ATRNL1: variants seen among roughly 807,000 people sequenced by gnomAD.
ATRNL1 encodes the protein attractin like 1, also known as attractin-like protein 1.
In ATRNL1, 95 loss-of-function variants were observed where a neutral mutation model predicts 182.7. The ratio of observed to expected loss-of-function variants is 0.52; its 90% confidence interval spans 0.44 to 0.62. ATRNL1 has a LOEUF of 0.62. Ranked by LOEUF, ATRNL1 falls within the 20% of genes least tolerant of loss-of-function variation. The pLI is 0.00. For missense variants in ATRNL1, 1,471 were observed against 1,679.5 expected, an observed-to-expected ratio of 0.88 and a Z score of 2.17; for synonymous variants, 576 against 568.3, an observed-to-expected ratio of 1.01 and a Z score of -0.19.
At chr10:115,938,359 A>T (rs782112219) in intron 28 of ATRNL1, among the ~76,000 whole-genome samples, 3 of 152,228 alleles carry the variant, frequency 2.0e-5, no homozygotes, top group Non-Finnish European at 2.9e-5. Flanking sequence ...TTAAAAAGAC[A>T]TGTTTACCAT....
At chr10:115,380,765 A>G (rs542527976) in intron 19 of ATRNL1, among the ~76,000 whole-genome samples, 25 of 152,280 alleles carry the variant, frequency 1.6e-4, no homozygotes, top group Admixed American at 1.2e-3. Context: ...ATATGGCTAT[A>G]TCATATTTTG....
intron 24 of ATRNL1, among the ~76,000 whole-genome samples, chr10:115,474,605 T>G (rs1466868731): frequency 2.0e-5 from 3 of 151,192 alleles, no homozygotes; most frequent in African/African-American, 7.3e-5. Flanking sequence ...TTTTAAAGAG[T>G]ATCACCAGGG....
At chr10:115,794,835 A>G (rs782779074) in intron 27 of ATRNL1, among the ~76,000 whole-genome samples, 1 of 152,174 alleles carries the variant, frequency 6.6e-6, no homozygotes, top group Non-Finnish European at 1.5e-5. Context: ...ACACTATTAA[A>G]CTATGTAAAC....
chr10:115,590,825 C>T (rs1443053539), intron 26 of ATRNL1, among the ~76,000 whole-genome samples: 1 of 152,170 alleles, frequency 6.6e-6, no homozygotes, highest in African/African-American at 2.4e-5. Context: ...TCCCTGAATA[C>T]TAGCATTTCT....
chr10:115,213,314 T>G (rs1849104117), intron 8 of ATRNL1, among the ~76,000 whole-genome samples: 1 of 152,064 alleles, frequency 6.6e-6, no homozygotes, highest in Non-Finnish European at 1.5e-5. Flanking sequence ...TTAGGCCTTG[T>G]GGGGAAGGGG....
intron 5 of ATRNL1, among the ~76,000 whole-genome samples, chr10:115,148,205 G>A (rs781888508): frequency 1.3e-5 from 2 of 151,620 alleles, no homozygotes; most frequent in Non-Finnish European, 2.9e-5. Context: ...TATTTTTTTT[G>A]TAGCTATTGT....
At chr10:115,362,219 TA>T (rs1564954502) in intron 19 of ATRNL1, among the ~76,000 whole-genome samples, 2 of 152,090 alleles carry the variant, frequency 1.3e-5, no homozygotes, top group East Asian at 1.9e-4. Flanking sequence ...TTTATTTATA[TA>T]AAAAAGAAAC....
At chr10:115,386,173 T>C (rs1444169597) in intron 19 of ATRNL1, among the ~76,000 whole-genome samples, 2 of 152,208 alleles carry the variant, frequency 1.3e-5, no homozygotes, top group African/African-American at 4.8e-5. Flanking sequence ...ATACGTAATT[T>C]TCTAATTCAT....
At chr10:115,281,570 A>G (rs1852363255) in intron 14 of ATRNL1, 83 bp downstream of exon 14, 2 of 1,337,806 alleles carry the variant, frequency 1.5e-6, no homozygotes, top group South Asian at 1.4e-5. Context: ...TAAGGACACT[A>G]CATTTTCTAA....
intron 1 of ATRNL1, among the ~76,000 whole-genome samples, chr10:115,111,230 TATCTC>T (rs1176502611): frequency 6.6e-6 from 1 of 152,242 alleles, no homozygotes; most frequent in Admixed American, 6.5e-5. Flanking sequence ...GTTGTATAGT[TATCTC>T]AGTAGCTGAA....
chr10:115,897,128 C>T (rs1346461561), intron 28 of ATRNL1, among the ~76,000 whole-genome samples: 1 of 152,080 alleles, frequency 6.6e-6, no homozygotes, highest in Non-Finnish European at 1.5e-5. Flanking sequence ...ATTATACATA[C>T]ATACATACAT....
At chr10:115,399,830 G>T (rs1844474841) in intron 20 of ATRNL1, among the ~76,000 whole-genome samples, 1 of 151,712 alleles carries the variant, frequency 6.6e-6, no homozygotes, top group Non-Finnish European at 1.5e-5. Flanking sequence ...TCTCTCTTAA[G>T]ACTTCCTGGA....
chr10:115,501,869 T>C (rs568187176), intron 24 of ATRNL1, among the ~76,000 whole-genome samples: 42 of 152,202 alleles, frequency 2.8e-4, no homozygotes, highest in Admixed American at 5.2e-4. Context: ...TCTCCCTGTG[T>C]CCTGAAATTT....
intron 15 of ATRNL1, among the ~76,000 whole-genome samples, chr10:115,297,506 G>A (rs960246172): frequency 2.0e-5 from 3 of 151,976 alleles, no homozygotes; most frequent in Admixed American, 6.6e-5. Flanking sequence ...TTAGCTGGGC[G>A]TGGTGGTGGG....
At chr10:115,812,118 G>A (rs1268093482) in intron 27 of ATRNL1, among the ~76,000 whole-genome samples, 7 of 151,892 alleles carry the variant, frequency 4.6e-5, no homozygotes, top group African/African-American at 1.5e-4. Flanking sequence ...TTTTGTGTTT[G>A]CATGAAATTT....
intron 24 of ATRNL1, among the ~76,000 whole-genome samples, chr10:115,517,581 C>T (rs1177451977): frequency 6.6e-6 from 1 of 151,696 alleles, no homozygotes; most frequent in Non-Finnish European, 1.5e-5. Context: ...TTCATCTGTT[C>T]TCTTTTTTTA....
chr10:115,781,482 G>C (rs1395834543), intron 27 of ATRNL1, among the ~76,000 whole-genome samples: 1 of 152,160 alleles, frequency 6.6e-6, no homozygotes, highest in African/African-American at 2.4e-5. Context: ...TCACATAATG[G>C]AATACTGAAG....
At chr10:115,521,957 T>G (rs1850958083) in intron 25 of ATRNL1, among the ~76,000 whole-genome samples, 2 of 152,206 alleles carry the variant, frequency 1.3e-5, no homozygotes, top group Admixed American at 6.5e-5. Context: ...TTATTGCTGT[T>G]ATTTTGGTAA....
intron 15 of ATRNL1, among the ~76,000 whole-genome samples, chr10:115,294,330 G>T (rs1564887184): frequency 3.3e-5 from 5 of 152,128 alleles, no homozygotes; most frequent in South Asian, 2.1e-4. Context: ...TGTTAAAAAA[G>T]AAGAAAGAGT....
Sources: allele counts gnomAD v4.1 joint callset (sites outside exome capture counted in the v4.1 genomes callset), GRCh38; gene constraint gnomAD v4.1.1; transcripts MANE v1.5; gene names NCBI Gene and HGNC (gene_info 2026-07-23, HGNC 2026-07-21).